Variants in FOCAD observed in about 807,000 individuals in gnomAD.
FOCAD encodes KIAA1797.
FOCAD carries 198 observed loss-of-function variants against 225.6 expected under a neutral mutation model. The ratio of observed to expected loss-of-function variants is 0.88; its 90% CI spans 0.78 to 0.99. The LOEUF (loss-of-function observed/expected upper bound fraction) is 0.99, where lower values mean the gene tolerates loss of function less well. FOCAD is among the 50% of genes least tolerant of loss of function. The probability of loss-of-function intolerance (pLI) is 0.00; values close to 1 mark genes in which losing one functional copy is unlikely to be tolerated. For synonymous variants in FOCAD, 897 were observed against 755.0 expected (o/e 1.19, Z -3.08); for missense variants, 2,713 against 2,123.6 (o/e 1.28, Z -5.46).
intron 7 of FOCAD, among the ~76,000 whole-genome samples, chr9:20,767,122 A>T (rs1287933079): frequency 6.7e-6 from 1 of 150,188 alleles, no homozygotes; most frequent in Non-Finnish European, 1.5e-5. Flanking sequence ...ATGATTTCCA[A>T]TTTCATCCAT....
Position 20,764,853 on chromosome 9 carries a change from A to G in FOCAD, c.495-16A>G, listed in dbSNP as rs1829917886. 1.2e-6 allele frequency: 2 copies of G among 1,605,520 alleles called. No individual in the cohort carries two copies. The highest frequency in any genetic ancestry group is 1.7e-6 in the Non-Finnish European group (2 of 1,173,614). ...GTTTAACTCAATAACTGGCTAATGTATTTCATGTCTTATAGGTTAGAAGTT... is the reference window on the plus strand; with the variant it reads ...GTTTAACTCAATAACTGGCTAATGTGTTTCATGTCTTATAGGTTAGAAGTT... On this transcript the variant is annotated splice_polypyrimidine_tract_variant and intron_variant, in intron 6 of 43. Coordinates refer to ENST00000338382, the MANE Select transcript of FOCAD (RefSeq NM_001375567.1).
Position 20,770,061 on chromosome 9 carries a change from G to T in FOCAD, c.729G>T (p.Ala243=). Residue 243 remains alanine (A), a synonymous_variant, in exon 8 of 44, where the codon GCG becomes GCT. Coordinates refer to ENST00000338382, the MANE Select transcript of FOCAD (RefSeq NM_001375567.1). ...QVKDLIQTTE[A]MMFIEEVCLS... ...AAGATTTGATACAGACAACAGAGGCGATGATGTTTATTGAGGAAGTATGTT... is the reference window on the plus strand; with the variant it reads ...AAGATTTGATACAGACAACAGAGGCTATGATGTTTATTGAGGAAGTATGTT... 1 of 1,613,998 alleles carries T rather than the reference G, an allele frequency of 6.2e-7. No homozygotes were observed. Among genetic ancestry groups the T allele is most frequent in the Non-Finnish European group, 8.5e-7 (1 of 1,179,952 alleles).
intron 10 of FOCAD, among the ~76,000 whole-genome samples, chr9:20,786,449 T>C (rs1401746979): frequency 6.6e-6 from 1 of 152,196 alleles, no homozygotes; most frequent in African/African-American, 2.4e-5. Context: ...CATAGTGATA[T>C]AGTGCTAGAA....
intron 15 of FOCAD, among the ~76,000 whole-genome samples, chr9:20,831,864 A>T (rs1019336990): frequency 6.6e-6 from 1 of 152,176 alleles, no homozygotes; most frequent in East Asian, 1.9e-4. Flanking sequence ...CAATCCTCCC[A>T]TACCTCCCTG....
At chr9:20,659,544 G>A (rs1247106590) in intron 2 of FOCAD, among the ~76,000 whole-genome samples, 1 of 152,188 alleles carries the variant, frequency 6.6e-6, no homozygotes, top group East Asian at 1.9e-4. Flanking sequence ...GATCATGGGA[G>A]GATATGGTGA....
intron 37 of FOCAD, among the ~76,000 whole-genome samples, chr9:20,979,009 C>T (rs911731210): frequency 2.0e-5 from 3 of 152,230 alleles, no homozygotes; most frequent in Non-Finnish European, 4.4e-5. Flanking sequence ...AAGCAATGAC[C>T]GAGTCTGGTG....
At chr9:20,976,348 G>A (rs1840227246) in intron 35 of FOCAD, 72 bp from the exon 36 acceptor site, 2 of 1,426,358 alleles carry the variant, frequency 1.4e-6, no homozygotes, top group Admixed American at 1.8e-5. Flanking sequence ...AGGAAAGAAG[G>A]AATTGTTGGC....
rs117748510 is a variant in FOCAD, at chr9:20,923,697, C to A, written c.2890C>A (p.Leu964Ile). 7.4e-5 allele frequency: 119 copies of A among 1,614,090 alleles called. No individual in the cohort carries two copies. The Middle Eastern group carries it at 1.7e-3, about 22-fold the overall frequency. The change falls in exon 25 of 44, where the codon CTA (leucine) becomes ATA (isoleucine). Residue 964 changes from leucine to isoleucine, a missense_variant. Coordinates refer to ENST00000338382, the MANE Select transcript of FOCAD (RefSeq NM_001375567.1). ...AGTGAAAGGCAATGCGCTGTTAGCT[C>A]TAAGCAGCCTTGCTGTCGTCGTATC... is the stretch of plus-strand genomic sequence containing the variant. ...PVVKGNALLA[L>I]SSLAVVVSRH... is the part of the protein sequence containing the mutation.
At chr9:20,729,341 G>T (rs1282705892) in intron 4 of FOCAD, among the ~76,000 whole-genome samples, 2 of 152,116 alleles carry the variant, frequency 1.3e-5, no homozygotes, top group African/African-American at 2.4e-5. Flanking sequence ...CTCTGCCTCT[G>T]TATGCTCATG....
At chr9:20,976,905 T>C (rs962531512) in intron 36 of FOCAD, among the ~76,000 whole-genome samples, 3 of 152,224 alleles carry the variant, frequency 2.0e-5, no homozygotes, top group Admixed American at 6.5e-5. Context: ...GTATTAATTT[T>C]CTATTGCTGC....
Position 20,865,929 on chromosome 9 carries a change from T to G in FOCAD, c.2059T>G (p.Phe687Val). 1 of 1,607,128 alleles carries G rather than the reference T, an allele frequency of 6.2e-7. No homozygotes were observed. The highest frequency in any genetic ancestry group is 8.5e-7 in the Non-Finnish European group (1 of 1,176,848). ...CTTTTGTATGTTAACTTTTCAGAAT[T>G]TTAAAGTTCAAGTCCTCAGCTTCCT... is the stretch of plus-strand genomic sequence containing the variant. ...LTVNTTEYEN[F>V]KVQVLSFLWT... Residue 687 changes from phenylalanine to valine, a missense_variant, in exon 17 of 44, where the codon TTT (phenylalanine) becomes GTT (valine). By Grantham distance (50) the Phe-to-Val change is conservative. Transcript: ENST00000338382.
intron 4 of FOCAD, among the ~76,000 whole-genome samples, chr9:20,727,915 T>C (rs1408895862): frequency 1.3e-5 from 2 of 152,184 alleles, no homozygotes; most frequent in African/African-American, 4.8e-5. Context: ...TTGTACCTCA[T>C]GTTTGGTATA....
chr9:20,940,400 C>T (rs200821600), intron 28 of FOCAD, among the ~76,000 whole-genome samples: 1 of 151,948 alleles, frequency 6.6e-6, no homozygotes, highest in Non-Finnish European at 1.5e-5. Flanking sequence ...AATCCTCCTG[C>T]CTCAGCCTCA....
At chr9:20,921,093 A>T (rs973665443) in intron 24 of FOCAD, among the ~76,000 whole-genome samples, 2 of 152,216 alleles carry the variant, frequency 1.3e-5, no homozygotes, top group Admixed American at 1.3e-4. Context: ...AGCTTCAGGG[A>T]TAGGGGTAAG....
At chr9:20,942,031 C>T (rs186773330) in intron 28 of FOCAD, among the ~76,000 whole-genome samples, 1 of 152,224 alleles carries the variant, frequency 6.6e-6, no homozygotes, top group Admixed American at 6.5e-5. Context: ...TTTAGGACTA[C>T]ATTATTGGTG....
chr9:20,663,975 C>T (rs1821819840), intron 2 of FOCAD, among the ~76,000 whole-genome samples: 1 of 151,922 alleles, frequency 6.6e-6, no homozygotes, highest in African/African-American at 2.4e-5. Context: ...TTCCCAGTTA[C>T]CTATTTTGTG....
At chr9:20,733,462 C>T (rs1386087844) in intron 4 of FOCAD, among the ~76,000 whole-genome samples, 1 of 152,024 alleles carries the variant, frequency 6.6e-6, no homozygotes, top group Non-Finnish European at 1.5e-5. Flanking sequence ...CCCATTAACT[C>T]CTCTTTTAGC....
chr9:20,921,847 G>A (rs998145815), intron 24 of FOCAD, among the ~76,000 whole-genome samples: 5 of 152,096 alleles, frequency 3.3e-5, no homozygotes, highest in African/African-American at 1.2e-4. Flanking sequence ...GAATTTTGGG[G>A]TTAAAAAGAA....
Position 20,978,466 on chromosome 9 carries a change from C to G in FOCAD, c.4377+12C>G, listed in dbSNP as rs748815894. 1 of 1,554,336 alleles carries G rather than the reference C, an allele frequency of 6.4e-7. No homozygotes were observed. Among genetic ancestry groups the G allele is most frequent in the Non-Finnish European group, 8.8e-7 (1 of 1,138,384 alleles). On this transcript the variant is annotated intron_variant, in intron 37 of 43. Coordinates refer to ENST00000338382, the MANE Select transcript of FOCAD (RefSeq NM_001375567.1). ...TCCACAGTCTGAGTGTATGTAGTAA[C>G]TAAGGGTGTTGGCCAACAGGAGGAT...
Sources: allele counts gnomAD v4.1 joint callset (sites outside exome capture counted in the v4.1 genomes callset), GRCh38; gene constraint gnomAD v4.1.1; transcripts MANE v1.5; gene names NCBI Gene and HGNC (gene_info 2026-07-23, HGNC 2026-07-21).